The following CD200 variants were observed in gnomAD, a reference collection of about 807,000 sequenced individuals.
CD200 encodes CD200 molecule.
A neutral mutation model predicts 30.9 loss-of-function variants in CD200; 15 were observed. The observed-to-expected ratio is 0.49, with a 90% CI of 0.32 to 0.75. The LOEUF (loss-of-function observed/expected upper bound fraction) is 0.75, where lower values mean the gene tolerates loss of function less well. Ranked by LOEUF, CD200 falls within the 30% of genes least tolerant of loss-of-function variation. The pLI is 0.03. For synonymous variants in CD200, 134 were observed against 126.2 expected, an observed-to-expected ratio of 1.06 and a Z score of -0.41; for missense variants, 262 against 324.2, an observed-to-expected ratio of 0.81 and a Z score of 1.47.
chr3:112,360,326 T>TAAAAAAAAAA (rs72457316), intron 5 of CD200, among the ~76,000 whole-genome samples: 3 of 119,160 alleles, frequency 2.5e-5, no homozygotes, highest in East Asian at 2.8e-4. Flanking sequence ...AGACTTCATC[T>TAAAAAAAAAA]AAAAAAAATA....
At chr3:112,341,043 A>T (rs1231432677) in intron 2 of CD200, 60 bp downstream of exon 2, 1 of 1,070,786 alleles carries the variant, frequency 9.3e-7, no homozygotes, top group Admixed American at 1.7e-5. Flanking sequence ...GGGTGAAGAC[A>T]TTTAGCCAGT....
In CD200 at chr3:112,353,621, G is replaced by A. The variant is rs527350240; in HGVS notation, c.802+3802G>A. Among the ~76,000 whole-genome samples the A allele has an allele frequency of 3.9e-5, 6 of 152,164 alleles. No individual in the cohort carries two copies. The East Asian group carries it at 9.6e-4, about 24-fold the overall frequency. On this transcript the variant is annotated intron_variant, in intron 5 of 5. Coordinates refer to ENST00000315711, the MANE Select transcript of CD200 (RefSeq NM_005944.7). ...TTAATACTTAATACAAACAACAAAG[G>A]TGTTCGATAAACAATTTGTGATGAT...
intron 3 of CD200, among the ~76,000 whole-genome samples, chr3:112,346,466 T>C (rs547128945): frequency 1.3e-5 from 2 of 152,318 alleles, no homozygotes; most frequent in Admixed American, 1.3e-4. Context: ...TCTGTTCTCT[T>C]CCACACTGAC....
chr3:112,359,474 AG>A (rs1429490085), intron 5 of CD200, among the ~76,000 whole-genome samples: 1 of 152,196 alleles, frequency 6.6e-6, no homozygotes, highest in Non-Finnish European at 1.5e-5. Flanking sequence ...GGATGAAAGG[AG>A]GGCATGGAGG....
At chr3:112,339,992 G>A (rs947577209) in intron 1 of CD200, among the ~76,000 whole-genome samples, 3 of 152,150 alleles carry the variant, frequency 2.0e-5, no homozygotes, top group Non-Finnish European at 4.4e-5. Context: ...GTGAGAGACC[G>A]AATTGACAGA....
At chr3:112,357,634 C>G (rs1315138003) in intron 5 of CD200, among the ~76,000 whole-genome samples, 1 of 152,110 alleles carries the variant, frequency 6.6e-6, no homozygotes, top group Non-Finnish European at 1.5e-5. Context: ...GCAGTTAGGA[C>G]AGCTTTGAGG....
chr3:112,335,038 C>T (rs2081081921), intron 1 of CD200, among the ~76,000 whole-genome samples: 1 of 152,222 alleles, frequency 6.6e-6, no homozygotes, highest in Non-Finnish European at 1.5e-5. Context: ...ATGCCAGTAT[C>T]TGTCTCCACA....
At position 112,342,409 on chromosome 3, in the gene CD200, CTTTCTTTCTTTCTTTCTTTCT is replaced by C. The variant is rs1576596204; in HGVS notation, c.94+1428_94+1448del. Among the ~76,000 whole-genome samples, 4 of 62,248 alleles carry C rather than the reference CTTTCTTTCTTTCTTTCTTTCT, an allele frequency of 6.4e-5. 1 individual carries two copies. Among genetic ancestry groups the C allele is most frequent in the African/African-American group, 1.3e-4 (2 of 15,712 alleles). 40.8% of individuals were successfully genotyped at this position (62,248 alleles called of 152,430 possible). A position where few individuals can be genotyped will look rare whatever the true frequency, so the allele number is the denominator to read the frequency against. On this transcript the variant is annotated intron_variant, in intron 2 of 5. Transcript: ENST00000315711. ...TCTTTCTTTCTTTCTTTCTTTCTTT[CTTTCTTTCTTTCTTTCTTTCT>C]TCTCTCTCTTTCTATGAAATTTCAC... is the stretch of plus-strand genomic sequence containing the variant.
chr3:112,357,104 A>C (rs2081637742), intron 5 of CD200, among the ~76,000 whole-genome samples: 1 of 151,994 alleles, frequency 6.6e-6, no homozygotes, highest in Non-Finnish European at 1.5e-5. Flanking sequence ...TACTAAAAAT[A>C]TAAAAAATTA....
At chr3:112,343,685 G>A (rs565154968) in intron 2 of CD200, among the ~76,000 whole-genome samples, 4 of 151,848 alleles carry the variant, frequency 2.6e-5, no homozygotes, top group Non-Finnish European at 5.9e-5. Flanking sequence ...GTATGATTGT[G>A]AATTTAAATT....
chr3:112,352,332 AG>A (rs773627294), intron 5 of CD200, among the ~76,000 whole-genome samples: 27 of 152,256 alleles, frequency 1.8e-4, no homozygotes, highest in South Asian at 1.0e-3. Context: ...ATATTTTGTG[AG>A]GAAGGGAAAT....
At chr3:112,334,829 G>T (rs2081076714) in intron 1 of CD200, among the ~76,000 whole-genome samples, 2 of 152,026 alleles carry the variant, frequency 1.3e-5, no homozygotes, top group South Asian at 4.1e-4. Flanking sequence ...CTCAATCACT[G>T]TGTTTTGTTT....
At chr3:112,358,005 C>G (rs2081660307) in intron 5 of CD200, among the ~76,000 whole-genome samples, 1 of 152,154 alleles carries the variant, frequency 6.6e-6, no homozygotes, top group Non-Finnish European at 1.5e-5. Context: ...TGGCCAGAGC[C>G]TATGCAGCTC....
chr3:112,340,134 A>G (rs556255635), intron 1 of CD200, among the ~76,000 whole-genome samples: 19 of 152,346 alleles, frequency 1.2e-4, no homozygotes, highest in Non-Finnish European at 2.4e-4. Context: ...AAATAGAAAT[A>G]TAGAAAAAAT....
chr3:112,343,901 A>G (rs1372585544), intron 2 of CD200, among the ~76,000 whole-genome samples: 2 of 152,118 alleles, frequency 1.3e-5, no homozygotes, highest in African/African-American at 4.8e-5. Context: ...TGATTTTGGA[A>G]CATTTAAGTC....
At chr3:112,340,802 A>G in intron 1 of CD200, 100 bp from the exon 2 acceptor site, 1 of 779,178 alleles carries the variant, frequency 1.3e-6, no homozygotes, top group Non-Finnish European at 2.2e-6. Flanking sequence ...GGGGGTAAAA[A>G]CTTAGCTACA....
chr3:112,333,027 C>T, upstream of CD200: 1 of 735,854 alleles, frequency 1.4e-6, no homozygotes, highest in Non-Finnish European at 2.2e-6. Context: ...TCATTTAATT[C>T]CCCCCACACA....
rs1256811153 is a variant in CD200, at chr3:112,345,241, C to A, written c.374C>A (p.Thr125Asn). 1.2e-6 allele frequency: 2 copies of A among 1,614,028 alleles called. No individual in the cohort carries two copies. The highest frequency in any genetic ancestry group is 2.2e-5 in the South Asian group (2 of 91,080). The change falls in exon 3 of 6, where the codon ACC (threonine) becomes AAC (asparagine). Residue 125 changes from threonine (T) to asparagine (N), a missense_variant. By Grantham distance (65) the Thr-to-Asn change is moderately conservative. Transcript: ENST00000315711. ...GGGTGTTACATGTGTCTCTTCAATA[C>A]CTTTGGTTTTGGGAAGATCTCAGGA... is the stretch of plus-strand genomic sequence containing the variant. The part of the protein sequence containing the change: ...DEGCYMCLFN[T>N]FGFGKISGTA...
intron 1 of CD200, among the ~76,000 whole-genome samples, chr3:112,334,587 T>G (rs1341769479): frequency 6.6e-6 from 1 of 152,176 alleles, no homozygotes; most frequent in Non-Finnish European, 1.5e-5. Flanking sequence ...TTTTAACCAT[T>G]AGATTGGTAC....
Sources: allele counts gnomAD v4.1 joint callset (sites outside exome capture counted in the v4.1 genomes callset), GRCh38; gene constraint gnomAD v4.1.1; transcripts MANE v1.5; gene names NCBI Gene and HGNC (gene_info 2026-07-23, HGNC 2026-07-21).